Variants in CDK14 observed in about 807,000 individuals in gnomAD.
CDK14 encodes the protein cyclin-dependent kinase 14.
In CDK14, 34 loss-of-function variants were observed where a neutral mutation model predicts 60.7. That is an observed-to-expected ratio of 0.56 (90% CI 0.43 to 0.75). The LOEUF (loss-of-function observed/expected upper bound fraction) is 0.75. Ranked by LOEUF, CDK14 falls within the 30% of genes least tolerant of loss-of-function variation. The pLI is 0.00. For missense variants in CDK14, 482 were observed against 564.1 expected, an observed-to-expected ratio of 0.85 and a Z score of 1.47; for synonymous variants, 197 against 203.7, an observed-to-expected ratio of 0.97 and a Z score of 0.28.
At chr7:90,718,744 C>G (rs574675425) in intron 2 of CDK14, among the ~76,000 whole-genome samples, 33 of 152,078 alleles carry the variant, frequency 2.2e-4, no homozygotes, top group Non-Finnish European at 4.0e-4. Context: ...CACACGCATA[C>G]TATTAGGGAG....
At chr7:90,700,541 C>G (rs925090650) in intron 2 of CDK14, among the ~76,000 whole-genome samples, 1 of 152,106 alleles carries the variant, frequency 6.6e-6, no homozygotes, top group African/African-American at 2.4e-5. Context: ...AGAAATCATT[C>G]GAATCTTCTA....
chr7:90,756,162 C>T (rs1179470072), intron 4 of CDK14, among the ~76,000 whole-genome samples: 1 of 152,194 alleles, frequency 6.6e-6, no homozygotes. Flanking sequence ...ATGTGATCCT[C>T]TCTGAATATT....
intron 6 of CDK14, among the ~76,000 whole-genome samples, chr7:90,877,743 A>G (rs1201327910): frequency 3.3e-5 from 5 of 152,140 alleles, no homozygotes; most frequent in African/African-American, 7.2e-5. Context: ...CAACAATACT[A>G]TGGGAAAGCA....
At chr7:91,046,498 A>C (rs1240870859) in intron 11 of CDK14, among the ~76,000 whole-genome samples, 2 of 152,164 alleles carry the variant, frequency 1.3e-5, no homozygotes, top group Non-Finnish European at 2.9e-5. Flanking sequence ...AAGAAATGTG[A>C]ACTTTTAAAG....
chr7:90,934,980 T>C (rs1439274276), intron 8 of CDK14, among the ~76,000 whole-genome samples: 1 of 152,254 alleles, frequency 6.6e-6, no homozygotes, highest in Non-Finnish European at 1.5e-5. Context: ...TAGTACAGAC[T>C]AGGTAATTTA....
At chr7:90,804,435 T>G (rs1187368039) in intron 5 of CDK14, among the ~76,000 whole-genome samples, 2 of 152,214 alleles carry the variant, frequency 1.3e-5, no homozygotes, top group African/African-American at 4.8e-5. Flanking sequence ...TCACCCTTTC[T>G]GTCTGTCACT....
At chr7:90,956,925 C>T (rs1794436066) in intron 9 of CDK14, among the ~76,000 whole-genome samples, 1 of 151,626 alleles carries the variant, frequency 6.6e-6, no homozygotes, top group South Asian at 2.1e-4. Context: ...TCATCCATGT[C>T]CCTACAAAGG....
intron 2 of CDK14, among the ~76,000 whole-genome samples, chr7:90,648,992 T>C (rs1344441155): frequency 1.3e-5 from 2 of 152,168 alleles, no homozygotes; most frequent in African/African-American, 4.8e-5. Flanking sequence ...AAAATATGGA[T>C]AGCAAACTGT....
chr7:90,654,370 C>T (rs1800709730), intron 2 of CDK14, among the ~76,000 whole-genome samples: 1 of 152,196 alleles, frequency 6.6e-6, no homozygotes, highest in Non-Finnish European at 1.5e-5. Flanking sequence ...ATGCAGACAA[C>T]AATTCACAAA....
chr7:90,930,705 T>G (rs912699432), intron 8 of CDK14, among the ~76,000 whole-genome samples: 2 of 152,146 alleles, frequency 1.3e-5, no homozygotes, highest in African/African-American at 4.8e-5. Context: ...CAAAATGGAC[T>G]CAAACTTCAG....
rs1272621778 is a variant in CDK14 at position 90,900,342 on chromosome 7, G to A, written c.702+989G>A. ...TCTTCTTTTTGTGTTTTATTAGATTGCCTTTCCTTAAAGTTTTTTGACTGT... is the reference window on the plus strand; with the variant it reads ...TCTTCTTTTTGTGTTTTATTAGATTACCTTTCCTTAAAGTTTTTTGACTGT... On this transcript the variant is annotated intron_variant, in intron 7 of 14. Transcript: ENST00000380050. Among the ~76,000 whole-genome samples, 6 of 152,120 alleles carry A rather than the reference G, an allele frequency of 3.9e-5. No homozygotes were observed. In the East Asian group the frequency reaches 1.2e-3, roughly 29 times the overall value.
At chr7:90,869,957 T>A (rs139388667) in intron 6 of CDK14, among the ~76,000 whole-genome samples, 1 of 152,228 alleles carries the variant, frequency 6.6e-6, no homozygotes, top group East Asian at 1.9e-4. Flanking sequence ...TGTTAGCTCG[T>A]AATGCTAAGC....
chr7:90,829,047 G>T (rs1161989324), intron 5 of CDK14, among the ~76,000 whole-genome samples: 1 of 152,118 alleles, frequency 6.6e-6, no homozygotes, highest in African/African-American at 2.4e-5. Flanking sequence ...GCAGGAGAGA[G>T]AAACAGAGAG....
At chr7:90,821,185 C>T (rs1789532733) in intron 5 of CDK14, among the ~76,000 whole-genome samples, 1 of 152,068 alleles carries the variant, frequency 6.6e-6, no homozygotes, top group Admixed American at 6.6e-5. Flanking sequence ...GATCATGTTC[C>T]CTGGAAACCT....
At chr7:90,931,777 A>ATT (rs1793597324) in intron 8 of CDK14, among the ~76,000 whole-genome samples, 1 of 43,256 alleles carries the variant, frequency 2.3e-5, no homozygotes, top group Non-Finnish European at 4.7e-5. Context: ...TCATCTTTGG[A>ATT]TTTTGTGTGT....
chr7:90,612,380 G>T (rs1416395382), intron 2 of CDK14, among the ~76,000 whole-genome samples: 1 of 152,070 alleles, frequency 6.6e-6, no homozygotes, highest in African/African-American at 2.4e-5. Flanking sequence ...CCTGACTCTT[G>T]ATCTAGTTCA....
chr7:90,774,740 T>A (rs1562763400), intron 4 of CDK14, among the ~76,000 whole-genome samples: 1 of 152,220 alleles, frequency 6.6e-6, no homozygotes, highest in Non-Finnish European at 1.5e-5. Flanking sequence ...CTTAAAATTG[T>A]GGTTATAACT....
At chr7:90,723,407 C>G (rs1374342448) in intron 2 of CDK14, among the ~76,000 whole-genome samples, 3 of 152,128 alleles carry the variant, frequency 2.0e-5, no homozygotes. Flanking sequence ...ACTTGACTCA[C>G]AAGGTTGTTT....
chr7:91,031,907 T>G (rs559789323), intron 10 of CDK14, among the ~76,000 whole-genome samples: 2 of 151,644 alleles, frequency 1.3e-5, no homozygotes, highest in South Asian at 4.2e-4. Context: ...AGAAAAGGAG[T>G]CATTTAGCTA....
Sources: allele counts gnomAD v4.1 joint callset (sites outside exome capture counted in the v4.1 genomes callset), GRCh38; gene constraint gnomAD v4.1.1; transcripts MANE v1.5; gene names NCBI Gene and HGNC (gene_info 2026-07-23, HGNC 2026-07-21).